TMC8: variants seen among roughly 807,000 people sequenced by gnomAD.
The protein encoded by TMC8 is transmembrane channel like 8, also known as transmembrane channel-like protein 8.
TMC8 carries 71 observed loss-of-function variants against 76.0 expected under a neutral mutation model. That is an observed-to-expected ratio of 0.93 (90% CI 0.77 to 1.14). TMC8 has a LOEUF of 1.14. Ranked by LOEUF, TMC8 falls within the 50% of genes most tolerant of loss-of-function variation. TMC8 has a pLI of 0.00. For synonymous variants in TMC8, 433 were observed against 433.8 expected, an observed-to-expected ratio of 1.00 and a Z score of 0.02; for missense variants, 924 against 947.9, an observed-to-expected ratio of 0.97 and a Z score of 0.33.
chr17:78,142,790 T>C lies in TMC8; in HGVS notation c.*1678T>C, dbSNP rs940906080. On this transcript the variant is annotated 3_prime_UTR_variant, in exon 16 of 16. Transcript: ENST00000318430. ...CACCTCAGCCTCCTGAATCAGAGCATCCCTTTGGCAAACCATACTGAGAAA... is the reference window on the plus strand; with the variant it reads ...CACCTCAGCCTCCTGAATCAGAGCACCCCTTTGGCAAACCATACTGAGAAA... 1.3e-5 allele frequency: 2 copies of C among 152,202 alleles called. No individual in the cohort carries two copies. Among genetic ancestry groups the C allele is most frequent in the African/African-American group, 4.8e-5 (2 of 41,406 alleles). The allele number at this position is 152,202 out of a possible 1,614,324, so 9.4% of individuals were successfully genotyped here. A position where few individuals can be genotyped will look rare whatever the true frequency, so the allele number is the denominator to read the frequency against.
intron 3 of TMC8, 91 bp from the exon 4 acceptor site, chr17:78,132,268 C>A (rs1198281650): frequency 2.6e-6 from 4 of 1,520,428 alleles, no homozygotes; most frequent in Non-Finnish European, 3.6e-6. Flanking sequence ...GGCGGGCACC[C>A]CACGCCGTCC....
At position 78,141,013 on chromosome 17, in the gene TMC8, C is replaced by T. The variant is rs1435094115; in HGVS notation, c.2082C>T (p.Ser694=). The T allele has an allele frequency of 6.3e-7, 1 of 1,598,508 alleles. No individual in the cohort carries two copies. The change falls in exon 16 of 16, where the codon TCC becomes TCT. Residue 694 remains serine (S), a synonymous_variant. Coordinates refer to ENST00000318430, the MANE Select transcript of TMC8 (RefSeq NM_152468.5). ...PGHQAPRPGP[S]VVDAAGLRSP... is the part of the protein sequence containing the mutation. The stretch of plus-strand genomic sequence containing the variant: ...ACCAGGCCCCGCGGCCGGGCCCCTC[C>T]GTCGTGGATGCCGCGGGACTGCGTT...
intron 9 of TMC8, chr17:78,136,648 C>T (rs560844864): frequency 7.0e-4 from 124 of 177,266 alleles, no homozygotes; most frequent in African/African-American, 2.8e-3. Flanking sequence ...AGCTCGCCTG[C>T]AGTCAGGATC....
Position 78,137,489 on chromosome 17 carries a change from C to T in TMC8, c.1251+131C>T, listed in dbSNP as rs547686002. The stretch of plus-strand genomic sequence containing the variant: ...AAGCTGTGAGCAGGGCTGCCTGCAC[C>T]GCCGCACACCTCCAGGGGGCGCCAC... On this transcript the variant is annotated intron_variant, in intron 10 of 15. Transcript: ENST00000318430. 1,047 of 1,495,232 alleles carry T rather than the reference C, an allele frequency of 7.0e-4. 6 individuals are homozygous for T. The highest frequency in any genetic ancestry group is 7.0e-3 in the South Asian group (614 of 87,988). 92.6% of individuals were successfully genotyped at this position (1,495,232 alleles called of 1,614,324 possible).
At chr17:78,137,961 A>T (rs752872803) in intron 11 of TMC8, 44 bp from the exon 12 acceptor site, 2 of 1,611,586 alleles carry the variant, frequency 1.2e-6, no homozygotes, top group East Asian at 4.5e-5. Flanking sequence ...CAGCCCACGC[A>T]TCTGTCTGGA....
At position 78,131,302 on chromosome 17, in the gene TMC8, C is replaced by A; in HGVS notation, c.-287C>A. 1 of 551,762 alleles carries A rather than the reference C, an allele frequency of 1.8e-6. No homozygotes were observed. Among genetic ancestry groups the A allele is most frequent in the Admixed American group, 3.1e-5 (1 of 32,112 alleles). The allele number at this position is 551,762 out of a possible 1,614,324, so 34.2% of individuals were successfully genotyped here. A position where few individuals can be genotyped will look rare whatever the true frequency, so the allele number is the denominator to read the frequency against. On this transcript the variant is annotated 5_prime_UTR_variant, in exon 2 of 16. It adds an upstream start codon to the 5' untranslated region. Transcript: ENST00000318430. ...ACAGATGGGGAGACTGAGGCCGTGG[C>A]TGTGTGTCCCTCTGAGAGTTGGAGC...
intron 4 of TMC8, 102 bp from the exon 5 acceptor site, chr17:78,132,686 C>T: frequency 6.6e-7 from 1 of 1,521,016 alleles, no homozygotes; most frequent in Non-Finnish European, 9.1e-7. Context: ...CCTCAGCCCC[C>T]TGCCCAGGCC....
intron 4 of TMC8, 22 bp downstream of exon 4, chr17:78,132,530 G>A: frequency 6.2e-7 from 1 of 1,602,624 alleles, no homozygotes. Context: ...GCCCACCAGG[G>A]GAAGTGCTCC....
In TMC8 at chr17:78,132,819, G is replaced by T. The variant is rs150261314; in HGVS notation, c.480G>T (p.Pro160=). 2 of 1,614,208 alleles carry T rather than the reference G, an allele frequency of 1.2e-6. No individual in the cohort carries two copies. The highest frequency in any genetic ancestry group is 1.7e-6 in the Non-Finnish European group (2 of 1,180,028). ...TLQCPGSRQS[P]PGVLRFHNQL... ...AGTGCCCTGGTAGCCGCCAGTCCCC[G>T]CCTGGCGTTTTGAGGTTCCACAATC... is the stretch of plus-strand genomic sequence containing the variant. Residue 160 remains proline (P), a synonymous_variant, in exon 5 of 16, where the codon CCG becomes CCT. Coordinates refer to ENST00000318430, the MANE Select transcript of TMC8 (RefSeq NM_152468.5).
At chr17:78,138,925 G>A in intron 14 of TMC8, 193 bp downstream of exon 14, 1 of 1,536,378 alleles carries the variant, frequency 6.5e-7, no homozygotes, top group Middle Eastern at 1.7e-4. Context: ...GATCACTGGG[G>A]AAGCACCGTG....
In TMC8 at chr17:78,131,546, C is replaced by G. The variant is rs553665461; in HGVS notation, c.-43C>G. ...TCCAACCGGGGACTCATATCCCCCC[C>G]ACCGGCAGCCCGGCGCCCCAGCCTC... On this transcript the variant is annotated 5_prime_UTR_variant, in exon 2 of 16. Coordinates refer to ENST00000318430, the MANE Select transcript of TMC8 (RefSeq NM_152468.5). 4 of 1,537,324 alleles carry G rather than the reference C, an allele frequency of 2.6e-6. No individual in the cohort carries two copies. Among genetic ancestry groups the G allele is most frequent in the Admixed American group, 2.0e-5 (1 of 50,944 alleles).
intron 14 of TMC8, 95 bp from the exon 15 acceptor site, chr17:78,139,067 G>A (rs73999646): frequency 8.8e-6 from 14 of 1,583,770 alleles, no homozygotes; most frequent in African/African-American, 2.7e-5. Flanking sequence ...CCCCAGTACC[G>A]CGTATTGTAG....
At position 78,134,571 on chromosome 17, in the gene TMC8, G is replaced by A; in HGVS notation, c.987+7G>A. 1 of 1,614,058 alleles carries A rather than the reference G, an allele frequency of 6.2e-7. No homozygotes were observed. Among genetic ancestry groups the A allele is most frequent in the Non-Finnish European group, 8.5e-7 (1 of 1,180,014 alleles). ...CTCACAGGACAACAAGGAGGTGTCAGGCAACTGCATTCATTTAATCCTGGC... is the reference window on the plus strand; with the variant it reads ...CTCACAGGACAACAAGGAGGTGTCAAGCAACTGCATTCATTTAATCCTGGC... On this transcript the variant is annotated splice_region_variant and intron_variant, in intron 8 of 15. Transcript: ENST00000318430.
intron 15 of TMC8, among the ~76,000 whole-genome samples, 187 bp from the exon 16 acceptor site, chr17:78,140,647 G>C (rs895632540): frequency 6.6e-6 from 1 of 151,638 alleles, no homozygotes; most frequent in Non-Finnish European, 1.5e-5. Context: ...ATCGGGGCGG[G>C]ACCCTGGTGG....
chr17:78,141,006 G>T lies in TMC8; in HGVS notation c.2075G>T (p.Gly692Val). The change falls in exon 16 of 16, where the codon GGC becomes GTC. Residue 692 changes from glycine (G) to valine (V), a missense_variant. Coordinates refer to ENST00000318430, the MANE Select transcript of TMC8 (RefSeq NM_152468.5). ...GSPGHQAPRPGPSVVDAAGLR... is the reference protein window; with the variant it reads ...GSPGHQAPRPVPSVVDAAGLR... ...CCGGGCCACCAGGCCCCGCGGCCGG[G>T]CCCCTCCGTCGTGGATGCCGCGGGA... 1.3e-6 allele frequency: 2 copies of T among 1,595,816 alleles called. No individual in the cohort carries two copies. Among genetic ancestry groups the T allele is most frequent in the East Asian group, 2.3e-5 (1 of 43,632 alleles).
intron 15 of TMC8, among the ~76,000 whole-genome samples, chr17:78,139,993 G>A (rs1391425414): frequency 6.6e-6 from 1 of 152,138 alleles, no homozygotes; most frequent in East Asian, 1.9e-4. Context: ...AGTGAGCTGA[G>A]ACCGCCCCAT....
In TMC8 at chr17:78,131,596, T is replaced by G. The variant is rs745434388; in HGVS notation, c.8T>G (p.Leu3Arg). The change falls in exon 2 of 16, where the codon CTG (leucine) becomes CGG (arginine). Residue 3 changes from leucine (L) to arginine (R), a missense_variant. By Grantham distance (102) the Leu-to-Arg change is moderately radical. Transcript: ENST00000318430. ML[L>R]PRSVSSERAP... ...CTACCCGTGCCCGCCGAGATGCTGC[T>G]GCCGCGGTCGGTGTCATCGGAGCGG... 1.3e-6 allele frequency: 2 copies of G among 1,546,366 alleles called. No homozygotes were observed. The highest frequency in any genetic ancestry group is 2.4e-5 in the South Asian group (2 of 84,008).
chr17:78,133,480 C>T lies in TMC8; in HGVS notation c.606C>T (p.Arg202=). ...AGAGCAGCTCCGTGTACAGCATCCG[C>T]CTGGCCTACCTCCTCAGCCCGCTGG... ...GPESSSVYSI[R]LAYLLSPLAC... The change falls in exon 6 of 16, where the codon CGC becomes CGT. Residue 202 remains arginine, a synonymous_variant. Transcript: ENST00000318430. The T allele has an allele frequency of 3.7e-6, 6 of 1,613,718 alleles. No homozygotes were observed. Among genetic ancestry groups the T allele is most frequent in the Non-Finnish European group, 5.1e-6 (6 of 1,180,036 alleles).
In TMC8 at chr17:78,131,539, T is replaced by TC. The variant is rs1454073294; in HGVS notation, c.-43dup. 3.9e-6 allele frequency: 6 copies of TC among 1,535,288 alleles called. No homozygotes were observed. The highest frequency in any genetic ancestry group is 2.0e-5 in the Admixed American group (1 of 50,900). On this transcript the variant is annotated 5_prime_UTR_variant, in exon 2 of 16. Transcript: ENST00000318430. ...AGGCTCATCCAACCGGGGACTCATA[T>TC]CCCCCCCACCGGCAGCCCGGCGCCC...
Sources: allele counts gnomAD v4.1 joint callset (sites outside exome capture counted in the v4.1 genomes callset), GRCh38; gene constraint gnomAD v4.1.1; transcripts MANE v1.5; gene names NCBI Gene and HGNC (gene_info 2026-07-23, HGNC 2026-07-21).